The following CDH7 variants were observed in gnomAD, a reference collection of about 807,000 sequenced individuals.
The protein encoded by CDH7 is cadherin-7.
In CDH7, 25 loss-of-function variants were observed where a neutral mutation model predicts 71.8. That is an observed-to-expected ratio of 0.35 (90% CI 0.25 to 0.49). The LOEUF (loss-of-function observed/expected upper bound fraction) is 0.49. CDH7 is among the 20% of genes least tolerant of loss of function. CDH7 has a pLI of 0.99. For missense variants in CDH7, 862 were observed against 974.6 expected, an observed-to-expected ratio of 0.88 and a Z score of 1.54; for synonymous variants, 381 against 363.8, an observed-to-expected ratio of 1.05 and a Z score of -0.54.
At chr18:65,801,239 G>A (rs1299404410) in intron 2 of CDH7, among the ~76,000 whole-genome samples, 5 of 152,116 alleles carry the variant, frequency 3.3e-5, no homozygotes, top group Non-Finnish European at 7.4e-5. Context: ...TATATGTTGA[G>A]TGTTTAGATG....
intron 2 of CDH7, among the ~76,000 whole-genome samples, chr18:65,786,019 C>G (rs1208428285): frequency 6.6e-6 from 1 of 152,036 alleles, no homozygotes; most frequent in Non-Finnish European, 1.5e-5. Flanking sequence ...CTTTTGGTTC[C>G]CTAGGCCCCA....
intron 2 of CDH7, among the ~76,000 whole-genome samples, chr18:65,799,433 T>C (rs1238947994): frequency 6.6e-6 from 1 of 151,996 alleles, no homozygotes; most frequent in Non-Finnish European, 1.5e-5. Flanking sequence ...ATCCCAGCAC[T>C]TTGGGAGGCC....
intron 4 of CDH7, among the ~76,000 whole-genome samples, chr18:65,818,559 G>A (rs9959409): frequency 0.96 from 146,342 of 152,294 alleles, 70,577 homozygotes; most frequent in East Asian, 1. Context: ...ATCATGTAAC[G>A]TAACACTCAT....
chr18:65,786,911 A>G (rs976826108), intron 2 of CDH7, among the ~76,000 whole-genome samples: 14 of 151,994 alleles, frequency 9.2e-5, no homozygotes, highest in Admixed American at 5.9e-4. Context: ...CTGGTCTCGA[A>G]CTCCTGGCAT....
chr18:65,861,136 C>T (rs1225711192), intron 10 of CDH7, among the ~76,000 whole-genome samples: 1 of 152,178 alleles, frequency 6.6e-6, no homozygotes, highest in Non-Finnish European at 1.5e-5. Flanking sequence ...ATTTATAGGA[C>T]ATCCACATTG....
chr18:65,834,883 C>T (rs1204727246), intron 6 of CDH7, among the ~76,000 whole-genome samples: 1 of 152,246 alleles, frequency 6.6e-6, no homozygotes, highest in Non-Finnish European at 1.5e-5. Flanking sequence ...CTCTTTCTAT[C>T]TGTGGTTGTA....
At chr18:65,772,259 T>C (rs1047106860) in intron 2 of CDH7, among the ~76,000 whole-genome samples, 1 of 152,192 alleles carries the variant, frequency 6.6e-6, no homozygotes, top group Non-Finnish European at 1.5e-5. Flanking sequence ...CATATTGGAG[T>C]GGAATGTGTA....
chr18:65,764,336 G>A (rs549523354), intron 2 of CDH7, among the ~76,000 whole-genome samples: 89 of 152,040 alleles, frequency 5.9e-4, no homozygotes, highest in African/African-American at 1.9e-3. Context: ...AAGGTTTCTA[G>A]GGATGTGAAT....
At chr18:65,833,579 T>C (rs1286968086) in intron 6 of CDH7, among the ~76,000 whole-genome samples, 1 of 152,206 alleles carries the variant, frequency 6.6e-6, no homozygotes, top group Non-Finnish European at 1.5e-5. Flanking sequence ...GAACTTCAGA[T>C]TATATTTTCC....
In CDH7 at chr18:65,888,644, G is replaced by A. The variant is rs935261366; in HGVS notation, c.*7750G>A. The A allele has an allele frequency of 2.0e-5, 3 of 152,080 alleles. No homozygotes were observed. The highest frequency in any genetic ancestry group is 4.2e-4 in the South Asian group (2 of 4,814). 9.4% of individuals were successfully genotyped at this position (152,080 alleles called of 1,614,324 possible). ...TAGATAACATTCTAACATATACATG[G>A]TTTCAATTTTCTTATAAGTCTGTGA... On this transcript the variant is annotated 3_prime_UTR_variant, in exon 12 of 12. Transcript: ENST00000397968.
intron 10 of CDH7, among the ~76,000 whole-genome samples, chr18:65,860,177 G>A (rs963173716): frequency 6.6e-6 from 1 of 152,076 alleles, no homozygotes; most frequent in African/African-American, 2.4e-5. Context: ...GATGCAACTT[G>A]AGACATAAGA....
At chr18:65,853,912 T>TATATATATATATATATATCC (rs1913238221) in intron 7 of CDH7, among the ~76,000 whole-genome samples, 3 of 29,440 alleles carry the variant, frequency 1.0e-4, no homozygotes, top group African/African-American at 7.5e-4. Context: ...TTACCATATA[T>TATATATATATATATATATCC]ATATATATAT....
chr18:65,880,990 A>C lies in CDH7; in HGVS notation c.*96A>C. ...TAATAAACCACTACATACAGAAAAC[A>C]AGAACTCCCCTTGCTGGAGACAGAT... On this transcript the variant is annotated 3_prime_UTR_variant, in exon 12 of 12. Coordinates refer to ENST00000397968, the MANE Select transcript of CDH7 (RefSeq NM_004361.5). 8.5e-7 allele frequency: 1 copy of C among 1,172,504 alleles called. No homozygotes were observed. The highest frequency in any genetic ancestry group is 1.2e-6 in the Non-Finnish European group (1 of 851,492). 72.6% of individuals were successfully genotyped at this position (1,172,504 alleles called of 1,614,324 possible).
At chr18:65,830,608 T>G (rs1912306641) in intron 6 of CDH7, among the ~76,000 whole-genome samples, 1 of 25,774 alleles carries the variant, frequency 3.9e-5, no homozygotes, top group Non-Finnish European at 4.1e-4. Context: ...CCCCTTCCCT[T>G]TCCTTCCCTT....
At chr18:65,828,687 A>G (rs770499728) in intron 6 of CDH7, among the ~76,000 whole-genome samples, 2 of 152,066 alleles carry the variant, frequency 1.3e-5, no homozygotes, top group African/African-American at 4.8e-5. Context: ...CCTAACCCCT[A>G]TGTTTTTCAG....
Position 65,822,081 on chromosome 18 carries a change from G to T in CDH7, c.626G>T (p.Gly209Val), listed in dbSNP as rs756062203. 1 of 1,611,044 alleles carries T rather than the reference G, an allele frequency of 6.2e-7. No individual in the cohort carries two copies. Among genetic ancestry groups the T allele is most frequent in the South Asian group, 1.1e-5 (1 of 91,010 alleles). Residue 209 changes from glycine (G) to valine (V), a missense_variant and splice_region_variant, in exon 5 of 12, where the codon GGA (glycine) becomes GTA (valine). By Grantham distance (109) the Gly-to-Val change is moderately radical. Transcript: ENST00000397968. ...QPYFSVEPKT[G>V]VIKTALPNMD... ...TTTACTGGGATTTGAAATTTTACAG[G>T]AGTCATCAAGACTGCCCTTCCAAAC...
chr18:65,822,366 T>A, intron 5 of CDH7, 118 bp downstream of exon 5: 1 of 752,430 alleles, frequency 1.3e-6, no homozygotes, highest in Non-Finnish European at 2.1e-6. Flanking sequence ...CTTACTTCAT[T>A]CTCTCAAATT....
chr18:65,828,973 A>T (rs1272817533), intron 6 of CDH7, among the ~76,000 whole-genome samples: 4 of 152,126 alleles, frequency 2.6e-5, no homozygotes, highest in African/African-American at 7.2e-5. Flanking sequence ...CAGTTTTCTA[A>T]TGTGCAAAAT....
chr18:65,757,591 T>A (rs1916066326), intron 1 of CDH7, among the ~76,000 whole-genome samples: 1 of 152,074 alleles, frequency 6.6e-6, no homozygotes. Context: ...TAAATCTTCC[T>A]CAATTTTTTT....
Sources: gnomAD v4.1 joint callset for allele counts (sites outside exome capture counted in the v4.1 genomes callset) on GRCh38, gnomAD v4.1.1 for gene constraint, MANE v1.5 for transcripts, NCBI Gene and HGNC (gene_info 2026-07-23, HGNC 2026-07-21) for gene names.